Variants in EDARADD observed in about 807,000 individuals in gnomAD.
The protein encoded by EDARADD is EDAR associated via death domain, also known as ectodysplasin-A receptor-associated adapter protein.
EDARADD carries 20 observed loss-of-function variants against 25.6 expected under a neutral mutation model. That is an observed-to-expected ratio of 0.78 (90% CI 0.55 to 1.14). The LOEUF (loss-of-function observed/expected upper bound fraction) is 1.14, where lower values mean the gene tolerates loss of function less well. Among genes scored for constraint, EDARADD ranks in the 50% most tolerant of loss-of-function variants. EDARADD has a pLI of 0.00. For synonymous variants in EDARADD, 86 were observed against 94.4 expected (o/e 0.91, Z 0.52); for missense variants, 225 against 270.1 (o/e 0.83, Z 1.17).
At chr1:236,393,316 CAT>C (rs1468079180), upstream of EDARADD, among the ~76,000 whole-genome samples, 1 of 150,664 alleles carries the variant, frequency 6.6e-6, no homozygotes, top group Non-Finnish European at 1.5e-5. Context: ...AAATTTTTCA[CAT>C]GACTCTGAGA....
intron 1 of EDARADD, among the ~76,000 whole-genome samples, chr1:236,402,552 G>A (rs1375338764): frequency 1.3e-5 from 2 of 152,088 alleles, no homozygotes; most frequent in Non-Finnish European, 2.9e-5. Flanking sequence ...GTGAAACCCT[G>A]TCTCAAAATT....
At chr1:236,377,370 G>T (rs1282238344) in intron 3 of EDARADD, among the ~76,000 whole-genome samples, 1 of 149,584 alleles carries the variant, frequency 6.7e-6, no homozygotes, top group African/African-American at 2.4e-5. Flanking sequence ...CGGCCAGGCT[G>T]GTCTCAAACT....
upstream of EDARADD, among the ~76,000 whole-genome samples, chr1:236,392,588 C>T (rs1007519556): frequency 6.6e-6 from 1 of 150,432 alleles, no homozygotes. Context: ...CAGGTTTAAG[C>T]GATTCTCCTG....
At chr1:236,454,249 CCT>C (rs1256317605) in intron 4 of EDARADD, among the ~76,000 whole-genome samples, 3 of 152,184 alleles carry the variant, frequency 2.0e-5, no homozygotes, top group Non-Finnish European at 4.4e-5. Flanking sequence ...AGGGTTTCAC[CCT>C]GTTAGCCAAG....
At chr1:236,435,020 G>A (rs1423605455) in intron 4 of EDARADD, among the ~76,000 whole-genome samples, 1 of 152,170 alleles carries the variant, frequency 6.6e-6, no homozygotes, top group East Asian at 1.9e-4. Flanking sequence ...TGTGGAGTTT[G>A]GGGTATGTGA....
At chr1:236,418,863 C>G (rs993351750) in intron 3 of EDARADD, among the ~76,000 whole-genome samples, 2 of 152,154 alleles carry the variant, frequency 1.3e-5, no homozygotes, top group Non-Finnish European at 2.9e-5. Flanking sequence ...GTGGTTTGCT[C>G]TGTGTTCTCA....
rs144943032 is a variant in EDARADD at position 236,484,604 on chromosome 1, T to A, written c.*1955T>A. On this transcript the variant is annotated 3_prime_UTR_variant, in exon 6 of 6. Transcript: ENST00000334232. The surrounding 1 kb of genome is among the most constrained non-coding windows in gnomAD (Gnocchi z 4.1). ...AGTTAGCTACCCTTGCCCACCGCCG[T>A]GGAGTTCGCACCTCTTCCTTAGAAC... is the stretch of plus-strand genomic sequence containing the variant. 1.2e-4 allele frequency: 79 copies of A among 649,798 alleles called. No homozygotes were observed. The African/African-American group carries it at 1.4e-3, about 11-fold the overall frequency. 40.3% of individuals were successfully genotyped at this position (649,798 alleles called of 1,614,324 possible). A position where few individuals can be genotyped will look rare whatever the true frequency, so the allele number is the denominator to read the frequency against.
intron 1 of EDARADD, among the ~76,000 whole-genome samples, chr1:236,394,815 A>G (rs184966123): frequency 4.6e-5 from 7 of 152,330 alleles, no homozygotes; most frequent in African/African-American, 9.6e-5. Context: ...TTCTCACTTA[A>G]GTAATGGGTA....
intron 3 of EDARADD, among the ~76,000 whole-genome samples, chr1:236,425,967 TA>T (rs67326935): frequency 0.44 from 67,376 of 151,418 alleles, 17,334 homozygotes; most frequent in Non-Finnish European, 0.59. Flanking sequence ...TTATTTTTCT[TA>T]TCTTTTTTTT....
At chr1:236,396,337 C>G (rs1478672295) in intron 1 of EDARADD, among the ~76,000 whole-genome samples, 1 of 152,164 alleles carries the variant, frequency 6.6e-6, no homozygotes, top group East Asian at 1.9e-4. Context: ...TCCTGGAGTT[C>G]TCTCTCTCCG....
At position 236,454,400 on chromosome 1, in the gene EDARADD, AC is replaced by A. The variant is rs1658800327; in HGVS notation, c.220-13829del. On this transcript the variant is annotated intron_variant, in intron 4 of 5. Coordinates refer to ENST00000334232, the MANE Select transcript of EDARADD (RefSeq NM_145861.4). ...CCCCTTTGTCTTTGACCCCTCACAC[AC>A]CGCCTGCACCTTCCTTTTAGAGAGC... Among the ~76,000 whole-genome samples the A allele has an allele frequency of 2.0e-5, 3 of 151,946 alleles. No homozygotes were observed. In the South Asian group the frequency reaches 6.3e-4, roughly 32 times the overall value.
chr1:236,440,891 A>G (rs1200038787), intron 4 of EDARADD, among the ~76,000 whole-genome samples: 1 of 152,144 alleles, frequency 6.6e-6, no homozygotes, highest in African/African-American at 2.4e-5. Context: ...CTGAGACACA[A>G]CAGTATCGAA....
chr1:236,432,169 G>A (rs542259914), intron 4 of EDARADD, among the ~76,000 whole-genome samples: 1 of 152,192 alleles, frequency 6.6e-6, no homozygotes, highest in African/African-American at 2.4e-5. Flanking sequence ...AGCTGGGTAC[G>A]GAGGCTCACA....
At position 236,483,379 on chromosome 1, in the gene EDARADD, C is replaced by T; in HGVS notation, c.*730C>T. On this transcript the variant is annotated 3_prime_UTR_variant, in exon 6 of 6. Transcript: ENST00000334232. ...AAGCCTGTTGAGCCCATCAATAAAA[C>T]TATTGCACCTGTCCTGGTTAGCAAG... 7.1e-7 allele frequency: 1 copy of T among 1,409,928 alleles called. No homozygotes were observed. Among genetic ancestry groups the T allele is most frequent in the Non-Finnish European group, 1.0e-6 (1 of 997,078 alleles). 87.3% of individuals were successfully genotyped at this position (1,409,928 alleles called of 1,614,324 possible).
chr1:236,446,103 C>T (rs1317686359), intron 4 of EDARADD, among the ~76,000 whole-genome samples: 2 of 152,212 alleles, frequency 1.3e-5, no homozygotes, highest in African/African-American at 4.8e-5. Flanking sequence ...CTCCATTTTA[C>T]TCTAAGAGAA....
Position 236,395,554 on chromosome 1 carries a change from G to T in EDARADD, c.61+1049G>T. ...CGGAACCGCAGGACTTTTCATCCCCGTGGTCCCACGGTCCTCCCGCGCCCC... is the reference window on the plus strand; with the variant it reads ...CGGAACCGCAGGACTTTTCATCCCCTTGGTCCCACGGTCCTCCCGCGCCCC... On this transcript the variant is annotated intron_variant, in intron 1 of 5. Coordinates refer to ENST00000334232, the MANE Select transcript of EDARADD (RefSeq NM_145861.4). This position sits in a 1 kb window ranked among gnomAD's most constrained non-coding sequence, Gnocchi z 6.9. 1.9e-6 allele frequency: 3 copies of T among 1,540,904 alleles called. No homozygotes were observed. The highest frequency in any genetic ancestry group is 4.9e-5 in the East Asian group (2 of 40,902).
chr1:236,433,351 G>C (rs1363321965), intron 4 of EDARADD, among the ~76,000 whole-genome samples: 2 of 151,890 alleles, frequency 1.3e-5, no homozygotes, highest in Non-Finnish European at 2.9e-5. Context: ...CTGAGGTTAG[G>C]AGTTTGAGAT....
intron 3 of EDARADD, among the ~76,000 whole-genome samples, chr1:236,421,244 C>T (rs1371294543): frequency 4.8e-5 from 7 of 146,870 alleles, no homozygotes; most frequent in African/African-American, 1.7e-4. Context: ...GCAGAGCAAA[C>T]AACAAGGGGC....
At chr1:236,461,652 G>A (rs1245871909) in intron 4 of EDARADD, among the ~76,000 whole-genome samples, 1 of 152,082 alleles carries the variant, frequency 6.6e-6, no homozygotes, top group Non-Finnish European at 1.5e-5. Context: ...CGTGGGGAGC[G>A]TTTCTTCTCA....
Sources: allele counts gnomAD v4.1 joint callset (sites outside exome capture counted in the v4.1 genomes callset), GRCh38; gene constraint gnomAD v4.1.1; non-coding constraint Gnocchi (gnomAD v3.1); transcripts MANE v1.5; gene names NCBI Gene and HGNC (gene_info 2026-07-23, HGNC 2026-07-21).